The following FGD4 variants were observed in gnomAD, a reference collection of about 807,000 sequenced individuals.
FGD4 encodes FYVE, RhoGEF and PH domain containing 4.
A neutral mutation model predicts 102.0 loss-of-function variants in FGD4; 42 were observed. The ratio of observed to expected loss-of-function variants is 0.41; its 90% CI spans 0.32 to 0.53. The LOEUF is 0.53. FGD4 is among the 20% of genes least tolerant of loss of function. The pLI is 0.21. For missense variants in FGD4, 902 were observed against 1,078.2 expected (o/e 0.84, Z 2.29); for synonymous variants, 380 against 375.7 (o/e 1.01, Z -0.13).
At chr12:32,578,695 TG>T (rs1804142217) in intron 3 of FGD4, among the ~76,000 whole-genome samples, 1 of 151,960 alleles carries the variant, frequency 6.6e-6, no homozygotes, top group South Asian at 2.1e-4. Context: ...CCAGGTATGG[TG>T]GTGCACGCCT....
At chr12:32,524,816 A>G (rs1374883611) in intron 1 of FGD4, among the ~76,000 whole-genome samples, 1 of 141,414 alleles carries the variant, frequency 7.1e-6, no homozygotes, top group African/African-American at 2.5e-5. Flanking sequence ...AGAGTGAGAC[A>G]CTGTTTCAAA....
chr12:32,584,668 G>T (rs562589974), intron 4 of FGD4, among the ~76,000 whole-genome samples: 10 of 151,980 alleles, frequency 6.6e-5, no homozygotes, highest in African/African-American at 2.4e-4. Flanking sequence ...CTGTGATATA[G>T]GTATATTCCC....
chr12:32,564,295 C>T lies in FGD4; in HGVS notation c.319+6C>T. ...TGCAAGTCCAAAGCCACAAGGTATGCTCACTGGGAGTTTGTGTTCGGGGTG... is the reference window on the plus strand; with the variant it reads ...TGCAAGTCCAAAGCCACAAGGTATGTTCACTGGGAGTTTGTGTTCGGGGTG... On this transcript the variant is annotated splice_donor_region_variant and intron_variant, in intron 2 of 16. Coordinates refer to ENST00000534526, the MANE Select transcript of FGD4 (RefSeq NM_001370298.3). 6.5e-7 allele frequency: 1 copy of T among 1,535,456 alleles called. No homozygotes were observed. Among genetic ancestry groups the T allele is most frequent in the East Asian group, 2.4e-5 (1 of 40,888 alleles).
intron 1 of FGD4, among the ~76,000 whole-genome samples, chr12:32,523,718 C>T (rs7964715): frequency 0.28 from 42,450 of 151,044 alleles, 6,260 homozygotes; most frequent in Middle Eastern, 0.46. Flanking sequence ...CTCACGCCTG[C>T]AATCCCAACA....
At chr12:32,479,850 G>A (rs547138354) in intron 1 of FGD4, among the ~76,000 whole-genome samples, 6 of 140,008 alleles carry the variant, frequency 4.3e-5, no homozygotes, top group African/African-American at 8.0e-5. Flanking sequence ...GTTCAGTGGC[G>A]CAATCTCGGC....
rs567667946 is a variant in FGD4 at position 32,406,899 on chromosome 12, C to T, written c.166+6940C>T. Among the ~76,000 whole-genome samples, 601 of 151,886 alleles carry T rather than the reference C, an allele frequency of 4.0e-3. 3 individuals are homozygous for T. The highest frequency in any genetic ancestry group is 6.6e-3 in the Non-Finnish European group (446 of 67,950). ...TGTGATCTCAGCTCACTGCAACCTC[C>T]GCCTCCCAGGTTCAAGCAATTCTCT... On this transcript the variant is annotated intron_variant, in intron 1 of 16. Transcript: ENST00000534526.
At chr12:32,474,880 G>C (rs532554245) in intron 1 of FGD4, among the ~76,000 whole-genome samples, 3 of 152,048 alleles carry the variant, frequency 2.0e-5, no homozygotes, top group Non-Finnish European at 4.4e-5. Context: ...CTCCAGCCTG[G>C]GTGACAAAGC....
At chr12:32,627,976 GA>G (rs1950277528) in intron 14 of FGD4, among the ~76,000 whole-genome samples, 1 of 152,042 alleles carries the variant, frequency 6.6e-6, no homozygotes. Context: ...AGATGTTGGT[GA>G]AAAAAATGGG....
At chr12:32,476,848 A>AC (rs1285082861) in intron 1 of FGD4, among the ~76,000 whole-genome samples, 1 of 152,132 alleles carries the variant, frequency 6.6e-6, no homozygotes, top group Non-Finnish European at 1.5e-5. Context: ...GGAGAAATAG[A>AC]CCCCATCTCT....
chr12:32,520,431 T>TTTTTTG (rs1711579110), intron 1 of FGD4, among the ~76,000 whole-genome samples: 4 of 118,486 alleles, frequency 3.4e-5, no homozygotes, highest in African/African-American at 6.6e-5. Flanking sequence ...GTGGGTTTTT[T>TTTTTTG]TGTTTTTTGT....
chr12:32,551,173 G>A (rs901751178), intron 1 of FGD4, among the ~76,000 whole-genome samples: 2 of 152,188 alleles, frequency 1.3e-5, no homozygotes, highest in African/African-American at 2.4e-5. Context: ...GTGCTGGGTG[G>A]TAGGAAAATA....
At chr12:32,429,574 T>C (rs922208336) in intron 1 of FGD4, among the ~76,000 whole-genome samples, 2 of 152,236 alleles carry the variant, frequency 1.3e-5, no homozygotes, top group Non-Finnish European at 2.9e-5. Context: ...GATCTGCTGC[T>C]CTCTTCAGAG....
chr12:32,534,427 A>T (rs1456762910), intron 1 of FGD4: 1 of 1,523,554 alleles, frequency 6.6e-7, no homozygotes, highest in South Asian at 1.2e-5. Flanking sequence ...AAAAGAGTAA[A>T]GCCAAATATC....
At chr12:32,590,698 A>T (rs1168097389) in intron 4 of FGD4, among the ~76,000 whole-genome samples, 1 of 152,208 alleles carries the variant, frequency 6.6e-6, no homozygotes, top group Non-Finnish European at 1.5e-5. Flanking sequence ...AATGAGAGTG[A>T]TAATACTCCT....
chr12:32,476,043 C>T (rs1319560574), intron 1 of FGD4, among the ~76,000 whole-genome samples: 1 of 152,082 alleles, frequency 6.6e-6, no homozygotes, highest in Non-Finnish European at 1.5e-5. Flanking sequence ...TGGAATTCTC[C>T]TTAGTTGGGT....
At chr12:32,593,858 T>G (rs1169608189) in intron 4 of FGD4, among the ~76,000 whole-genome samples, 1 of 152,188 alleles carries the variant, frequency 6.6e-6, no homozygotes, top group Non-Finnish European at 1.5e-5. Flanking sequence ...ACCAAGGTCT[T>G]GAAAAGAATA....
At chr12:32,522,680 A>AT (rs1940671231) in intron 1 of FGD4, among the ~76,000 whole-genome samples, 3 of 152,256 alleles carry the variant, frequency 2.0e-5, no homozygotes, top group Non-Finnish European at 2.9e-5. Flanking sequence ...TTATGAAAAC[A>AT]TTTTTTCTTG....
At chr12:32,485,915 T>A (rs1454815587) in intron 1 of FGD4, 1 of 1,269,040 alleles carries the variant, frequency 7.9e-7, no homozygotes, top group African/African-American at 1.5e-5. Flanking sequence ...CGTAGTTCCT[T>A]GAGCCTGCAT....
At chr12:32,406,007 G>A (rs965538390) in intron 1 of FGD4, among the ~76,000 whole-genome samples, 8 of 151,798 alleles carry the variant, frequency 5.3e-5, no homozygotes, top group Admixed American at 2.0e-4. Context: ...GTAATGGCGC[G>A]ATCTTGACTC....
Sources: allele counts gnomAD v4.1 joint callset (sites outside exome capture counted in the v4.1 genomes callset), GRCh38; gene constraint gnomAD v4.1.1; transcripts MANE v1.5; gene names NCBI Gene and HGNC (gene_info 2026-07-23, HGNC 2026-07-21).